The following GDAP1 variants were observed in gnomAD, a reference collection of about 807,000 sequenced individuals.
GDAP1 encodes the protein ganglioside induced differentiation associated protein 1.
GDAP1 carries 34 observed loss-of-function variants against 40.1 expected under a neutral mutation model. That is an observed-to-expected ratio of 0.85 (90% CI 0.64 to 1.13). The LOEUF (loss-of-function observed/expected upper bound fraction) is 1.13, where lower values mean the gene tolerates loss of function less well. GDAP1 is among the 50% of genes most tolerant of loss of function. GDAP1 has a pLI of 0.00. For synonymous variants in GDAP1, 170 were observed against 157.4 expected, an observed-to-expected ratio of 1.08 and a Z score of -0.60; for missense variants, 374 against 433.7, an observed-to-expected ratio of 0.86 and a Z score of 1.22.
Position 74,357,051 on chromosome 8 carries a change from C to T in GDAP1, c.311-3086C>T, listed in dbSNP as rs1473496808. 1.1e-4 allele frequency among the ~76,000 whole-genome samples: 16 copies of T among 152,144 alleles called. No individual in the cohort carries two copies. The East Asian group carries it at 3.1e-3, about 29-fold the overall frequency. Reference sequence around the variant, plus strand: ...TTTTTAAAAATAGCCTAGTGTGTGACTAGTTGAAGGGTACAATATTATTCA... The same window carrying T: ...TTTTTAAAAATAGCCTAGTGTGTGATTAGTTGAAGGGTACAATATTATTCA... On this transcript the variant is annotated intron_variant, in intron 2 of 5. Transcript: ENST00000220822.
rs149700129 is a variant in GDAP1 at position 74,365,329 on chromosome 8, G to A, written c.*962G>A. On this transcript the variant is annotated 3_prime_UTR_variant, in exon 6 of 6. Transcript: ENST00000220822. Reference sequence around the variant, plus strand: ...TAGAAAGGTCTAGTCTTAGCACTTGGCAGTTAATCTAGGGAAGATGAATTA... The same window carrying A: ...TAGAAAGGTCTAGTCTTAGCACTTGACAGTTAATCTAGGGAAGATGAATTA... 420 of 454,018 alleles carry A rather than the reference G, an allele frequency of 9.3e-4. 3 individuals carry two copies. The highest frequency in any genetic ancestry group is 7.6e-3 in the African/African-American group (383 of 50,086). The allele number at this position is 454,018 out of a possible 1,614,324, so 28.1% of individuals were successfully genotyped here.
intron 2 of GDAP1, among the ~76,000 whole-genome samples, chr8:74,354,575 C>T (rs1809017213): frequency 1.3e-5 from 2 of 152,056 alleles, no homozygotes; most frequent in South Asian, 2.1e-4. Context: ...TTTAACAAGG[C>T]TAAATGTAAA....
At chr8:74,437,792 G>A (rs1806111451) in intron 2 of GDAP1, among the ~76,000 whole-genome samples, 1 of 152,100 alleles carries the variant, frequency 6.6e-6, no homozygotes, top group African/African-American at 2.4e-5. Context: ...TTAAGCACAT[G>A]GTACGTGTAA....
At chr8:74,387,432 A>T (rs535817174) in intron 2 of GDAP1, among the ~76,000 whole-genome samples, 1 of 152,242 alleles carries the variant, frequency 6.6e-6, no homozygotes, top group African/African-American at 2.4e-5. Context: ...GCATCTATTG[A>T]GATAATTATG....
chr8:74,401,699 T>C (rs944559816), intron 2 of GDAP1, among the ~76,000 whole-genome samples: 2 of 149,706 alleles, frequency 1.3e-5, no homozygotes, highest in African/African-American at 5.1e-5. Context: ...CTACTTTTGG[T>C]CTTTGATGAT....
At chr8:74,468,844 A>G (rs1031234299) in intron 2 of GDAP1, among the ~76,000 whole-genome samples, 2 of 152,218 alleles carry the variant, frequency 1.3e-5, no homozygotes, top group Admixed American at 6.5e-5. Context: ...ATGTTAAATC[A>G]TAGTAGGCAT....
chr8:74,467,506 G>C (rs1806484994), intron 2 of GDAP1, among the ~76,000 whole-genome samples: 1 of 152,094 alleles, frequency 6.6e-6, no homozygotes, highest in Admixed American at 6.6e-5. Context: ...ATTTTAAGTG[G>C]GTAAGTTCAG....
chr8:74,375,653 A>G lies in GDAP1; in HGVS notation c.165+24332A>G, dbSNP rs561867212. On this transcript the variant is annotated intron_variant, in intron 2 of 2. Coordinates refer to the GDAP1 transcript ENST00000523640. The stretch of plus-strand genomic sequence containing the variant: ...CTTCCTCACCCTGATGAAGACATCC[A>G]TGAAAAATCCAAAGTTAGTATCATG... 1.2e-4 allele frequency among the ~76,000 whole-genome samples: 18 copies of G among 152,362 alleles called. No individual in the cohort carries two copies. In the South Asian group the frequency reaches 3.1e-3, roughly 26 times the overall value.
At chr8:74,362,365 C>T (rs1285147259) in intron 4 of GDAP1, among the ~76,000 whole-genome samples, 3 of 152,110 alleles carry the variant, frequency 2.0e-5, no homozygotes, top group Non-Finnish European at 4.4e-5. Flanking sequence ...AGCCTTTCTC[C>T]TTCTGTTGAT....
At chr8:74,413,065 CA>C (rs71269990) in intron 2 of GDAP1, among the ~76,000 whole-genome samples, 1,096 of 56,954 alleles carry the variant, frequency 0.019, 4 homozygotes, top group South Asian at 0.089. Flanking sequence ...GACTCTGTCT[CA>C]AAAAAAAAAA....
chr8:74,437,799 G>A (rs921109197), intron 2 of GDAP1, among the ~76,000 whole-genome samples: 1 of 152,134 alleles, frequency 6.6e-6, no homozygotes, highest in African/African-American at 2.4e-5. Context: ...CATGGTACGT[G>A]TAACTCTTGT....
In GDAP1 at chr8:74,399,074, A is replaced by G. The variant is rs1586821803; in HGVS notation, c.165+47753A>G. 3.3e-5 allele frequency among the ~76,000 whole-genome samples: 5 copies of G among 152,084 alleles called. No homozygotes were observed. In the South Asian group the frequency reaches 1.0e-3, roughly 31 times the overall value. On this transcript the variant is annotated intron_variant, in intron 2 of 2. Transcript: ENST00000523640. ...TGATACTGGCCTCATAAAATGAGTT[A>G]GGGAGGATTTCCTCTTTTTCTATTG...
At chr8:74,390,979 C>T (rs908306848) in intron 2 of GDAP1, among the ~76,000 whole-genome samples, 7 of 152,180 alleles carry the variant, frequency 4.6e-5, no homozygotes, top group Admixed American at 4.6e-4. Flanking sequence ...TTTGTTTACA[C>T]TATGAGGGGA....
chr8:74,370,250 A>G (rs1809725231), downstream of GDAP1, among the ~76,000 whole-genome samples: 1 of 152,250 alleles, frequency 6.6e-6, no homozygotes, highest in Admixed American at 6.5e-5. Flanking sequence ...ATTATTATGT[A>G]AAATGTAAAT....
At chr8:74,460,103 T>C (rs1001226848) in intron 2 of GDAP1, among the ~76,000 whole-genome samples, 1 of 152,206 alleles carries the variant, frequency 6.6e-6, no homozygotes, top group Non-Finnish European at 1.5e-5. Flanking sequence ...TAATTTGGGA[T>C]GCATAAAACA....
At chr8:74,353,342 A>G (rs1808962868) in intron 2 of GDAP1, among the ~76,000 whole-genome samples, 1 of 152,342 alleles carries the variant, frequency 6.6e-6, no homozygotes, top group Non-Finnish European at 1.5e-5. Flanking sequence ...CTTGTTGAAT[A>G]TCTTTCAATC....
At chr8:74,410,824 G>A (rs565261279) in intron 2 of GDAP1, among the ~76,000 whole-genome samples, 1 of 150,270 alleles carries the variant, frequency 6.7e-6, no homozygotes, top group East Asian at 1.9e-4. Flanking sequence ...GCCCTGTATT[G>A]GTAATGAGGA....
chr8:74,476,702 G>A (rs1037108233), intron 2 of GDAP1, among the ~76,000 whole-genome samples: 5 of 152,146 alleles, frequency 3.3e-5, no homozygotes, highest in Admixed American at 2.0e-4. Flanking sequence ...TTTCTCTCTT[G>A]CTGCCTTTAA....
At chr8:74,374,924 G>A (rs1285313605) in intron 2 of GDAP1, among the ~76,000 whole-genome samples, 2 of 152,206 alleles carry the variant, frequency 1.3e-5, no homozygotes, top group Non-Finnish European at 2.9e-5. Context: ...TATGAAGTGA[G>A]AAATAATGCC....
Sources: allele counts gnomAD v4.1 joint callset (sites outside exome capture counted in the v4.1 genomes callset), GRCh38; gene constraint gnomAD v4.1.1; transcripts MANE v1.5; gene names NCBI Gene and HGNC (gene_info 2026-07-23, HGNC 2026-07-21).